Variants in FSTL5 observed in about 807,000 individuals in gnomAD.
FSTL5 encodes the protein follistatin-related protein 5.
Under a neutral mutation model 89.1 loss-of-function variants are expected in FSTL5, and 62 were observed. The ratio of observed to expected loss-of-function variants is 0.70; its 90% CI spans 0.57 to 0.86. FSTL5 has a LOEUF of 0.86. Among genes scored for constraint, FSTL5 ranks in the 40% least tolerant of loss-of-function variants. The pLI is 0.00. For missense variants in FSTL5, 1,057 were observed against 1,001.6 expected, an observed-to-expected ratio of 1.06 and a Z score of -0.75; for synonymous variants, 383 against 346.2, an observed-to-expected ratio of 1.11 and a Z score of -1.18.
chr4:162,057,662 AC>A (rs937210446), intron 2 of FSTL5, among the ~76,000 whole-genome samples: 1 of 152,080 alleles, frequency 6.6e-6, no homozygotes, highest in African/African-American at 2.4e-5. Context: ...GACATATTTC[AC>A]CCGGGTGTGG....
chr4:161,874,835 GCTAA>G (rs889365336), intron 4 of FSTL5, among the ~76,000 whole-genome samples: 5 of 152,026 alleles, frequency 3.3e-5, no homozygotes, highest in African/African-American at 4.8e-5. Context: ...AATTGGTGAA[GCTAA>G]CTAATGAACA....
chr4:161,787,454 T>A (rs1215705666), intron 4 of FSTL5, among the ~76,000 whole-genome samples: 1 of 152,072 alleles, frequency 6.6e-6, no homozygotes, highest in African/African-American at 2.4e-5. Context: ...TTATAAGGAG[T>A]AATATTCCAC....
chr4:161,910,627 A>G (rs2110827363), intron 4 of FSTL5, among the ~76,000 whole-genome samples: 1 of 152,254 alleles, frequency 6.6e-6, no homozygotes, highest in Middle Eastern at 3.4e-3. Flanking sequence ...TAGGTCAGAT[A>G]GTCTGACAAC....
At chr4:161,648,084 C>T (rs1243926255) in intron 7 of FSTL5, among the ~76,000 whole-genome samples, 1 of 152,124 alleles carries the variant, frequency 6.6e-6, no homozygotes, top group Non-Finnish European at 1.5e-5. Flanking sequence ...GCTATTTCCA[C>T]TCAATAAAAC....
chr4:162,054,561 G>A lies in FSTL5; in HGVS notation c.127-20903C>T, dbSNP rs957737131. On this transcript the variant is annotated intron_variant, in intron 2 of 15. Coordinates refer to ENST00000306100, the MANE Select transcript of FSTL5 (RefSeq NM_020116.5). ...GTTAAACTTTAAACTTTAAATGTAAGAGCAAGTAAAAAAATGAAAACAAGA... is the reference window on the plus strand; with the variant it reads ...GTTAAACTTTAAACTTTAAATGTAAAAGCAAGTAAAAAAATGAAAACAAGA... Among the ~76,000 whole-genome samples the A allele has an allele frequency of 2.6e-5, 4 of 151,892 alleles. 1 individual carries two copies. In the South Asian group the frequency reaches 8.3e-4, roughly 31 times the overall value.
chr4:161,905,218 A>C (rs1733487583), intron 4 of FSTL5, among the ~76,000 whole-genome samples: 1 of 152,124 alleles, frequency 6.6e-6, no homozygotes, highest in Non-Finnish European at 1.5e-5. Context: ...TAGCTTCTTT[A>C]AAATTAAAAA....
chr4:161,568,370 A>G (rs1248947991), intron 8 of FSTL5, among the ~76,000 whole-genome samples: 1 of 152,180 alleles, frequency 6.6e-6, no homozygotes, highest in East Asian at 1.9e-4. Flanking sequence ...AGGAAGAATC[A>G]AAGCTTTTGA....
intron 9 of FSTL5, among the ~76,000 whole-genome samples, chr4:161,541,192 T>C (rs1731808137): frequency 6.6e-6 from 1 of 152,090 alleles, no homozygotes. Context: ...ATCTCTTCTC[T>C]CCTTTTATTT....
rs918212875 is a variant in FSTL5 at position 161,396,330 on chromosome 4, T to C, written c.1842-9881A>G. On this transcript the variant is annotated intron_variant, in intron 15 of 15. Transcript: ENST00000306100. ...GAGCAACAAGAATATTTCTTTAAAA[T>C]GTAGGATTGAAAGAAAATAAGTAAG... Among the ~76,000 whole-genome samples the C allele has an allele frequency of 2.6e-5, 4 of 151,868 alleles. No homozygotes were observed. In the East Asian group the frequency reaches 7.8e-4, roughly 30 times the overall value.
At chr4:162,102,118 A>G (rs1037420597) in intron 2 of FSTL5, among the ~76,000 whole-genome samples, 2 of 152,068 alleles carry the variant, frequency 1.3e-5, no homozygotes, top group Admixed American at 6.6e-5. Flanking sequence ...GCTAATTATT[A>G]TGATCTAGCA....
chr4:162,001,916 CAA>C (rs1175201825), intron 3 of FSTL5, among the ~76,000 whole-genome samples: 1 of 151,916 alleles, frequency 6.6e-6, no homozygotes, highest in Non-Finnish European at 1.5e-5. Context: ...CATGATGGTT[CAA>C]AGAGTTATAC....
intron 3 of FSTL5, among the ~76,000 whole-genome samples, chr4:161,956,472 C>T (rs1420735202): frequency 1.3e-5 from 2 of 151,784 alleles, no homozygotes; most frequent in Admixed American, 6.6e-5. Flanking sequence ...GATTTGACTA[C>T]AAATAATTTT....
At chr4:161,421,616 A>C (rs989799248) in intron 15 of FSTL5, among the ~76,000 whole-genome samples, 1 of 152,146 alleles carries the variant, frequency 6.6e-6, no homozygotes, top group African/African-American at 2.4e-5. Context: ...AGCTGATTGA[A>C]TATTATTTCT....
At chr4:161,544,033 A>G (rs1731924661) in intron 8 of FSTL5, among the ~76,000 whole-genome samples, 1 of 152,040 alleles carries the variant, frequency 6.6e-6, no homozygotes. Flanking sequence ...ATCAGCAGCT[A>G]AAAAGCCAAC....
At chr4:161,656,258 G>T in intron 7 of FSTL5, 70 bp downstream of exon 7, 3 of 765,958 alleles carry the variant, frequency 3.9e-6, no homozygotes, top group Non-Finnish European at 5.8e-6. Flanking sequence ...AAGCTCCCCT[G>T]ACATCACAAA....
intron 8 of FSTL5, among the ~76,000 whole-genome samples, chr4:161,557,564 A>G (rs1732434446): frequency 6.6e-6 from 1 of 151,734 alleles, no homozygotes; most frequent in African/African-American, 2.4e-5. Context: ...AATGCATGTG[A>G]TTTTTAATGT....
At chr4:161,459,818 G>A (rs558018698) in intron 13 of FSTL5, among the ~76,000 whole-genome samples, 1 of 151,994 alleles carries the variant, frequency 6.6e-6, no homozygotes, top group Non-Finnish European at 1.5e-5. Context: ...ATATATGGCT[G>A]TAATTCTAAC....
chr4:161,571,922 G>T (rs985022858), intron 8 of FSTL5, among the ~76,000 whole-genome samples: 1 of 152,262 alleles, frequency 6.6e-6, no homozygotes, highest in East Asian at 1.9e-4. Flanking sequence ...AGGCTTCTGA[G>T]CATTGTGATC....
intron 3 of FSTL5, among the ~76,000 whole-genome samples, chr4:161,975,717 A>G (rs1270995786): frequency 6.6e-6 from 1 of 151,222 alleles, no homozygotes; most frequent in African/African-American, 2.4e-5. Context: ...ACTAACCTGC[A>G]CAATGTGCAC....
Sources: allele counts gnomAD v4.1 joint callset (sites outside exome capture counted in the v4.1 genomes callset), GRCh38; gene constraint gnomAD v4.1.1; transcripts MANE v1.5; gene names NCBI Gene and HGNC (gene_info 2026-07-23, HGNC 2026-07-21).